COG2: variants seen among roughly 807,000 people sequenced by gnomAD.
COG2 encodes component of oligomeric golgi complex 2, also known as conserved oligomeric Golgi complex subunit 2.
A neutral mutation model predicts 90.6 loss-of-function variants in COG2; 52 were observed. The observed-to-expected ratio is 0.57, with a 90% CI of 0.46 to 0.72. The LOEUF is 0.72. Among genes scored for constraint, COG2 ranks in the 30% least tolerant of loss-of-function variants. The probability of loss-of-function intolerance (pLI) is 0.00; values close to 1 mark genes in which losing one functional copy is unlikely to be tolerated. For missense variants in COG2, 829 were observed against 891.2 expected (o/e 0.93, Z 0.89); for synonymous variants, 337 against 320.4 (o/e 1.05, Z -0.55).
At position 230,671,397 on chromosome 1, in the gene COG2, G is replaced by A. The variant is rs569289318; in HGVS notation, c.775-119G>A. The A allele has an allele frequency of 7.2e-5, 56 of 778,768 alleles. 1 individual carries two copies. In the South Asian group the frequency reaches 1.0e-3, roughly 14 times the overall value. The allele number at this position is 778,768 out of a possible 1,614,324, so 48.2% of individuals were successfully genotyped here. On this transcript the variant is annotated intron_variant, in intron 7 of 17. Coordinates refer to ENST00000366669, the MANE Select transcript of COG2 (RefSeq NM_007357.3). ...TCACTGTTTAGAAAATGTGTCACAG[G>A]GAGGAGGGTGAGTGTGAGGAAGCAG...
chr1:230,660,884 T>A, intron 3 of COG2, 61 bp downstream of exon 3: 1 of 1,184,914 alleles, frequency 8.4e-7, no homozygotes, highest in Admixed American at 2.8e-5. Flanking sequence ...TGTTTGCCCT[T>A]CCAAAAAAAA....
chr1:230,647,655 C>G (rs867131545), intron 1 of COG2, among the ~76,000 whole-genome samples: 3 of 152,134 alleles, frequency 2.0e-5, no homozygotes, highest in African/African-American at 7.2e-5. Context: ...CAGGACACCT[C>G]CCACCCCTTC....
In COG2 at chr1:230,690,358, TG is replaced by T. The variant is rs1263045407; in HGVS notation, c.1934+208del. 1.5e-4 allele frequency: 70 copies of T among 474,090 alleles called. No homozygotes were observed. In the East Asian group the frequency reaches 2.6e-3, roughly 17 times the overall value. The allele number at this position is 474,090 out of a possible 1,614,324, so 29.4% of individuals were successfully genotyped here. ...GGCCTGTGGGCTGGCTTCCTCTGCCTGGGCTTCAGCCTCGGGGCCGGGCCAT... is the reference window on the plus strand; with the variant it reads ...GGCCTGTGGGCTGGCTTCCTCTGCCTGGCTTCAGCCTCGGGGCCGGGCCAT... On this transcript the variant is annotated intron_variant, in intron 16 of 17. Transcript: ENST00000366669.
At position 230,686,978 on chromosome 1, in the gene COG2, A is replaced by G. The variant is rs777428005; in HGVS notation, c.1424A>G (p.Lys475Arg). 1.2e-6 allele frequency: 2 copies of G among 1,600,414 alleles called. No homozygotes were observed. Among genetic ancestry groups the G allele is most frequent in the South Asian group, 1.1e-5 (1 of 88,996 alleles). Residue 475 changes from lysine (K) to arginine (R), a missense_variant, in exon 13 of 18, where the codon AAG becomes AGG. Transcript: ENST00000366669. ...TCTAATGAAAGTCCCAAGGAGATCA[A>G]GAAACCTTTGGTAACTGGTAGCAAA... ...PISNESPKEI[K>R]KPLVTGSKEP...
Position 230,687,015 on chromosome 1 carries a change from C to T in COG2, c.1461C>T (p.Ile487=). The T allele has an allele frequency of 1.9e-6, 3 of 1,610,100 alleles. No individual in the cohort carries two copies. Among genetic ancestry groups the T allele is most frequent in the Non-Finnish European group, 2.5e-6 (3 of 1,177,540 alleles). ...PLVTGSKEPS[I]TQGNTEDQGS... is the part of the protein sequence containing the mutation. Reference sequence around the variant, plus strand: ...TAACTGGTAGCAAAGAACCTTCCATCACCCAAGGAAACACTGAAGACCAAG... The same window carrying T: ...TAACTGGTAGCAAAGAACCTTCCATTACCCAAGGAAACACTGAAGACCAAG... Residue 487 remains isoleucine, a synonymous_variant, in exon 13 of 18, where the codon ATC becomes ATT. Transcript: ENST00000366669.
Position 230,668,750 on chromosome 1 carries a change from G to GC in COG2, c.561dup (p.Lys188GlnfsTer36), listed in dbSNP as rs1419239541. The GC allele has an allele frequency of 6.2e-7, 1 of 1,611,952 alleles. No individual in the cohort carries two copies. The highest frequency in any genetic ancestry group is 1.1e-5 in the South Asian group (1 of 90,594). ...CAGTTACAGTTTCATGCTGTTCAAA[G>GC]CAAAGGCATGCCTCTTTTGGACAAA... On this transcript the variant is annotated frameshift_variant, in exon 6 of 18. Transcript: ENST00000366669. LOFTEE classifies it high-confidence loss of function.
At chr1:230,644,154 ATAGAACT>A (rs1248266648) in intron 1 of COG2, among the ~76,000 whole-genome samples, 1 of 152,214 alleles carries the variant, frequency 6.6e-6, no homozygotes, top group African/African-American at 2.4e-5. Flanking sequence ...AAGTTCTAAA[ATAGAACT>A]TAGAGTGCAA....
chr1:230,644,340 G>A (rs1213729821), intron 1 of COG2, among the ~76,000 whole-genome samples: 2 of 152,302 alleles, frequency 1.3e-5, no homozygotes, highest in Admixed American at 6.5e-5. Context: ...GAAGATAAAG[G>A]TTATTTGCAA....
chr1:230,687,067 G>A lies in COG2; in HGVS notation c.1513G>A (p.Val505Met). 1 of 1,613,272 alleles carries A rather than the reference G, an allele frequency of 6.2e-7. No individual in the cohort carries two copies. Among genetic ancestry groups the A allele is most frequent in the Non-Finnish European group, 8.5e-7 (1 of 1,179,510 alleles). ...AAGTGGTCCTTCGGAAACAAAGCCTGTGGTTTCCATTTCCCGCACTCAGCT... is the reference window on the plus strand; with the variant it reads ...AAGTGGTCCTTCGGAAACAAAGCCTATGGTTTCCATTTCCCGCACTCAGCT... Reference protein sequence around the residue: ...QGSGPSETKPVVSISRTQLVY... With the variant: ...QGSGPSETKPMVSISRTQLVY... Residue 505 changes from valine to methionine, a missense_variant, in exon 13 of 18, where the codon GTG becomes ATG. Transcript: ENST00000366669.
Position 230,679,044 on chromosome 1 carries a change from TC to T in COG2, c.1159del (p.Gln387LysfsTer2). On this transcript the variant is annotated frameshift_variant, in exon 10 of 18. Coordinates refer to ENST00000366669, the MANE Select transcript of COG2 (RefSeq NM_007357.3). LOFTEE classifies it high-confidence loss of function. ...AGAAGTGGAACTTGCCTGTTTATTT[TC>T]AAATAAGGTTGGTCATCTATTCACC... ...NKKWNLPVYF[Q>X]IRFREIAGSL... 6.2e-7 allele frequency: 1 copy of T among 1,611,848 alleles called. No homozygotes were observed. The highest frequency in any genetic ancestry group is 1.3e-5 in the African/African-American group (1 of 74,982).
intron 7 of COG2, 148 bp downstream of exon 7, chr1:230,669,683 C>G: frequency 1.5e-6 from 1 of 658,888 alleles, no homozygotes; most frequent in South Asian, 2.9e-5. Flanking sequence ...AAGGATTGGT[C>G]TCCATGGGTT....
chr1:230,689,017 G>T (rs1662958776), intron 15 of COG2, among the ~76,000 whole-genome samples: 1 of 151,648 alleles, frequency 6.6e-6, no homozygotes, highest in Non-Finnish European at 1.5e-5. Flanking sequence ...ATATTTAGGG[G>T]GAAAAAAAAC....
rs1662668492 is a variant in COG2, at chr1:230,679,064, A to G, written c.1166+12A>G. On this transcript the variant is annotated intron_variant, in intron 10 of 17. Transcript: ENST00000366669. ...TATTTTCAAATAAGGTTGGTCATCT[A>G]TTCACCGCCCCCGCCCCGCACCCTT... 2 of 1,609,354 alleles carry G rather than the reference A, an allele frequency of 1.2e-6. No individual in the cohort carries two copies. Among genetic ancestry groups the G allele is most frequent in the African/African-American group, 1.3e-5 (1 of 74,904 alleles).
chr1:230,683,811 A>G (rs1359403413), intron 11 of COG2, among the ~76,000 whole-genome samples, 176 bp downstream of exon 11: 6 of 148,468 alleles, frequency 4.0e-5, no homozygotes, highest in Non-Finnish European at 8.9e-5. Flanking sequence ...TTTTTTTTTG[A>G]GATGGAGTCT....
chr1:230,675,167 G>A (rs187529157), intron 9 of COG2, 43 bp downstream of exon 9: 260 of 1,578,578 alleles, frequency 1.6e-4, no homozygotes, highest in Middle Eastern at 5.1e-4. Flanking sequence ...GATGTTAACC[G>A]GAGACTGGAG....
chr1:230,669,188 A>G, intron 6 of COG2, 168 bp from the exon 7 acceptor site: 2 of 560,390 alleles, frequency 3.6e-6, no homozygotes, highest in Non-Finnish European at 3.0e-6. Context: ...ATTTACTTAT[A>G]AAGTGATTGG....
intron 1 of COG2, among the ~76,000 whole-genome samples, chr1:230,651,225 G>A (rs1237842674): frequency 6.6e-6 from 1 of 152,064 alleles, no homozygotes; most frequent in Non-Finnish European, 1.5e-5. Flanking sequence ...TGTCCCTGCT[G>A]CAGTAGCCGA....
chr1:230,692,695 G>A (rs1201150727), intron 17 of COG2, among the ~76,000 whole-genome samples: 1 of 152,054 alleles, frequency 6.6e-6, no homozygotes, highest in African/African-American at 2.4e-5. Context: ...AATGCTGACA[G>A]AGACTTGGTG....
rs1193717750 is a variant in COG2 at position 230,688,111 on chromosome 1, T to C, written c.1619T>C (p.Met540Thr). 6.2e-7 allele frequency: 1 copy of C among 1,601,420 alleles called. No individual in the cohort carries two copies. Among genetic ancestry groups the C allele is most frequent in the Non-Finnish European group, 8.5e-7 (1 of 1,176,038 alleles). Residue 540 changes from methionine (M) to threonine (T), a missense_variant, in exon 14 of 18, where the codon ATG (methionine) becomes ACG (threonine). Met to Thr is a moderately conservative substitution (Grantham distance 81). Coordinates refer to ENST00000366669, the MANE Select transcript of COG2 (RefSeq NM_007357.3). ...LLEIIKPKLE[M>T]IGFKNFSSIS... ...GAAATAATCAAGCCAAAACTTGAAATGATTGGCTTTAAGAATTTTTCTTCT... is the reference window on the plus strand; with the variant it reads ...GAAATAATCAAGCCAAAACTTGAAACGATTGGCTTTAAGAATTTTTCTTCT...
Sources: gnomAD v4.1 joint callset for allele counts (sites outside exome capture counted in the v4.1 genomes callset) on GRCh38, gnomAD v4.1.1 for gene constraint, MANE v1.5 for transcripts, NCBI Gene and HGNC (gene_info 2026-07-23, HGNC 2026-07-21) for gene names.